The following ADAM12 variants were observed in gnomAD, a reference collection of about 807,000 sequenced individuals.
ADAM12 encodes disintegrin and metalloproteinase domain-containing protein 12.
ADAM12 carries 70 observed loss-of-function variants against 106.4 expected under a neutral mutation model. The ratio of observed to expected loss-of-function variants is 0.66; its 90% confidence interval spans 0.54 to 0.80. The LOEUF is 0.80. Ranked by LOEUF, ADAM12 falls within the 30% of genes least tolerant of loss-of-function variation. ADAM12 has a pLI of 0.00. For missense variants in ADAM12, 1,010 were observed against 1,171.9 expected, an observed-to-expected ratio of 0.86 and a Z score of 2.02; for synonymous variants, 420 against 433.5, an observed-to-expected ratio of 0.97 and a Z score of 0.39.
chr10:126,387,004 G>A (rs778842374), intron 1 of ADAM12, among the ~76,000 whole-genome samples: 1 of 152,224 alleles, frequency 6.6e-6, no homozygotes, highest in African/African-American at 2.4e-5. Context: ...CAGTAGACGC[G>A]GTGGGGGCGG....
Position 126,168,729 on chromosome 10 carries a change from C to T in ADAM12, c.261-13424G>A, listed in dbSNP as rs9919478. 7.9e-3 allele frequency among the ~76,000 whole-genome samples: 1,196 copies of T among 152,278 alleles called. 23 individuals are homozygous for T. Among genetic ancestry groups the T allele is most frequent in the African/African-American group, 0.027 (1,140 of 41,532 alleles). On this transcript the variant is annotated intron_variant, in intron 3 of 22. Coordinates refer to ENST00000448723, the MANE Select transcript of ADAM12 (RefSeq NM_001288973.2). ...CTTCTCCACTTAAAACACTGCACTG[C>T]TCCTTACAGAACCCAGAGCAGAATT...
chr10:126,087,220 T>G (rs971458154), intron 11 of ADAM12, among the ~76,000 whole-genome samples: 2 of 152,080 alleles, frequency 1.3e-5, no homozygotes, highest in African/African-American at 4.8e-5. Context: ...GGCAGCAGCT[T>G]TTCATATTCT....
intron 1 of ADAM12, among the ~76,000 whole-genome samples, chr10:126,347,496 G>C (rs917226183): frequency 1.3e-5 from 2 of 152,016 alleles, no homozygotes; most frequent in African/African-American, 4.8e-5. Context: ...GACAATTATG[G>C]GTCTTGGATT....
At position 126,241,227 on chromosome 10, in the gene ADAM12, C is replaced by T. The variant is rs574112022; in HGVS notation, c.260+37688G>A. On this transcript the variant is annotated intron_variant, in intron 3 of 22. Transcript: ENST00000448723. ...CAGAAGCTTCAGAGAGATGGGCAAA[C>T]GGAGAATAGGAAGTGACTTTAACAG... Among the ~76,000 whole-genome samples the T allele has an allele frequency of 2.1e-4, 32 of 152,206 alleles. 1 individual carries two copies. In the South Asian group the frequency reaches 6.4e-3, roughly 31 times the overall value.
intron 3 of ADAM12, among the ~76,000 whole-genome samples, chr10:126,205,766 T>C (rs1337859307): frequency 6.6e-6 from 1 of 152,272 alleles, no homozygotes; most frequent in Non-Finnish European, 1.5e-5. Flanking sequence ...GACTCTTTAG[T>C]TCCAGATGAT....
chr10:126,133,861 C>A (rs1278327), intron 5 of ADAM12, among the ~76,000 whole-genome samples: 20,756 of 152,156 alleles, frequency 0.14, 1,575 homozygotes, highest in Middle Eastern at 0.24. Flanking sequence ...TGCTACCTAC[C>A]TCATCTAAAG....
intron 3 of ADAM12, among the ~76,000 whole-genome samples, chr10:126,233,059 A>T (rs558251034): frequency 6.6e-6 from 1 of 152,116 alleles, no homozygotes; most frequent in South Asian, 2.1e-4. Context: ...ACCACAGTCA[A>T]TTCAAGGGGC....
At chr10:126,056,185 CATTT>C (rs2133456972) in intron 14 of ADAM12, among the ~76,000 whole-genome samples, 1 of 152,340 alleles carries the variant, frequency 6.6e-6, no homozygotes, top group South Asian at 2.1e-4. Context: ...GAGTTTCATT[CATTT>C]GAGCTTTCAC....
At chr10:126,386,188 T>C (rs769586149) in intron 1 of ADAM12, among the ~76,000 whole-genome samples, 1 of 151,986 alleles carries the variant, frequency 6.6e-6, no homozygotes, top group Non-Finnish European at 1.5e-5. Flanking sequence ...GAGGGAATGA[T>C]TTGCAACTAG....
At chr10:126,018,693 G>T (rs2133370976) in intron 22 of ADAM12, among the ~76,000 whole-genome samples, 1 of 152,256 alleles carries the variant, frequency 6.6e-6, no homozygotes, top group South Asian at 2.1e-4. Flanking sequence ...TCACCAACCA[G>T]GGTAAGCTGG....
At chr10:126,233,450 C>T (rs761889694) in intron 3 of ADAM12, among the ~76,000 whole-genome samples, 12 of 152,158 alleles carry the variant, frequency 7.9e-5, no homozygotes, top group African/African-American at 2.9e-4. Flanking sequence ...TAAGAACCAG[C>T]GGGGACCAGG....
chr10:126,243,895 T>C (rs1958579616), intron 3 of ADAM12, among the ~76,000 whole-genome samples: 1 of 152,222 alleles, frequency 6.6e-6, no homozygotes, highest in African/African-American at 2.4e-5. Flanking sequence ...CCTCAGTGAC[T>C]GTCCTCTATA....
At chr10:126,200,085 C>G (rs1957670946) in intron 3 of ADAM12, among the ~76,000 whole-genome samples, 2 of 152,102 alleles carry the variant, frequency 1.3e-5, no homozygotes, top group Admixed American at 1.3e-4. Flanking sequence ...ATTCACTGTT[C>G]TATTAATTAG....
At chr10:126,225,910 A>G (rs1380944889) in intron 3 of ADAM12, among the ~76,000 whole-genome samples, 1 of 152,146 alleles carries the variant, frequency 6.6e-6, no homozygotes, top group Non-Finnish European at 1.5e-5. Flanking sequence ...TCCCTTCCAA[A>G]TGGAACAAAG....
intron 1 of ADAM12, among the ~76,000 whole-genome samples, chr10:126,330,871 T>C (rs1409726288): frequency 3.9e-5 from 6 of 152,326 alleles, no homozygotes; most frequent in Non-Finnish European, 8.8e-5. Context: ...CTGCTCTGTA[T>C]TAAAAGTCAC....
intron 3 of ADAM12, among the ~76,000 whole-genome samples, chr10:126,219,590 C>T (rs1958052349): frequency 6.6e-6 from 1 of 152,148 alleles, no homozygotes; most frequent in Admixed American, 6.5e-5. Context: ...TGGTGAAAAT[C>T]CTTATAGTTG....
chr10:126,041,305 C>T (rs1396647328), intron 18 of ADAM12: 1 of 985,278 alleles, frequency 1.0e-6, no homozygotes, highest in Non-Finnish European at 1.2e-6. Context: ...CATGGCCTGC[C>T]TTGATTTTAT....
intron 3 of ADAM12, among the ~76,000 whole-genome samples, chr10:126,216,630 A>T (rs924868678): frequency 2.6e-5 from 4 of 152,230 alleles, no homozygotes; most frequent in Admixed American, 6.5e-5. Flanking sequence ...AACGCATCAC[A>T]CTGCTTCAAA....
Position 126,143,183 on chromosome 10 carries a change from TG to T in ADAM12, c.340-7524del, listed in dbSNP as rs747042828. ...GTGTATATATATGTATGTGTGTATA[TG>T]GTATCTGTGTATATGTATGTGTGTA... On this transcript the variant is annotated intron_variant, in intron 4 of 22. Transcript: ENST00000448723. Among the ~76,000 whole-genome samples the T allele has an allele frequency of 6.6e-5, 10 of 151,562 alleles. No individual in the cohort carries two copies. The East Asian group carries it at 1.4e-3, about 21-fold the overall frequency.
Sources: allele counts gnomAD v4.1 joint callset (sites outside exome capture counted in the v4.1 genomes callset), GRCh38; gene constraint gnomAD v4.1.1; transcripts MANE v1.5; gene names NCBI Gene and HGNC (gene_info 2026-07-23, HGNC 2026-07-21).